Variants in HDAC6 observed in about 807,000 individuals in gnomAD.
HDAC6 encodes histone deacetylase 6, also known as protein deacetylase HDAC6.
In HDAC6, 5 loss-of-function variants were observed where a neutral mutation model predicts 88.9. The ratio of observed to expected loss-of-function variants is 0.06; its 90% confidence interval spans 0.03 to 0.12. The LOEUF (loss-of-function observed/expected upper bound fraction) is 0.12. Among genes scored for constraint, HDAC6 ranks in the 10% least tolerant of loss-of-function variants. The pLI, the probability that HDAC6 is intolerant of heterozygous loss-of-function variation, is 1.00. For missense variants in HDAC6, 706 were observed against 1,014.4 expected, an observed-to-expected ratio of 0.70 and a Z score of 4.13; for synonymous variants, 378 against 398.0, an observed-to-expected ratio of 0.95 and a Z score of 0.60.
At chrX:48,823,634 G>A (rs201220462) in intron 25 of HDAC6, 38 bp from the exon 26 acceptor site, 531 of 1,190,291 alleles carry the variant, frequency 4.5e-4, no homozygotes, top group Non-Finnish European at 5.7e-4. Flanking sequence ...GGCAAGAATC[G>A]GGCTTCTCTG....
At chrX:48,817,998 G>A (rs782497379) in intron 20 of HDAC6, 43 bp from the exon 21 acceptor site, 1 of 1,130,071 alleles carries the variant, frequency 8.8e-7, no homozygotes, top group East Asian at 3.1e-5. Context: ...CCTCTTCCAG[G>A]GCGTGAGTAT....
At chrX:48,816,721 C>A in intron 19 of HDAC6, 88 bp downstream of exon 19, 8 of 562,971 alleles carry the variant, frequency 1.4e-5, no homozygotes, top group Non-Finnish European at 2.0e-5. Flanking sequence ...CTGAGAGAGT[C>A]AAGCAGGGCC....
chrX:48,822,264 G>A (rs1456114513), intron 23 of HDAC6, among the ~76,000 whole-genome samples: 1 of 111,860 alleles, frequency 8.9e-6, no homozygotes, highest in Non-Finnish European at 1.9e-5. Context: ...TGGCATGAAG[G>A]CAAGTTCCTG....
At chrX:48,817,480 C>T in intron 20 of HDAC6, 21 bp downstream of exon 20, 1 of 1,197,724 alleles carries the variant, frequency 8.3e-7, no homozygotes, top group Non-Finnish European at 1.1e-6. Flanking sequence ...CCTGGGGACC[C>T]CCCAAATCCT....
At chrX:48,819,546 CTTTT>C in intron 22 of HDAC6, 9 of 125,491 alleles carry the variant, frequency 7.2e-5, no homozygotes, top group East Asian at 2.4e-4. Context: ...CCATCTGTCC[CTTTT>C]TTTTTTTTTT....
intron 8 of HDAC6, chrX:48,807,012 T>C: frequency 1.2e-5 from 2 of 169,705 alleles, no homozygotes; most frequent in Admixed American, 1.5e-4. Context: ...TCCAGATGCA[T>C]CTTACAAACA....
chrX:48,819,546 C>CTT (rs782353677), intron 22 of HDAC6: 47 of 123,746 alleles, frequency 3.8e-4, no homozygotes, highest in South Asian at 2.0e-3. Flanking sequence ...CCATCTGTCC[C>CTT]TTTTTTTTTT....
chrX:48,815,527 A>G, intron 15 of HDAC6, 37 bp downstream of exon 15: 1 of 1,197,763 alleles, frequency 8.3e-7, no homozygotes, highest in Non-Finnish European at 1.1e-6. Flanking sequence ...CGGGAGCCTC[A>G]CTGCCCGCCC....
rs1557028023 is a variant in HDAC6, at chrX:48,817,318, C to T, written c.1792-8C>T. The T allele has an allele frequency of 8.4e-7, 1 of 1,191,347 alleles. No individual in the cohort carries two copies. The highest frequency in any genetic ancestry group is 1.1e-6 in the Non-Finnish European group (1 of 884,076). The stretch of plus-strand genomic sequence containing the variant: ...GCTGTCCGATCTTAGCACCCTGCTG[C>T]TTCCCAGGTTCTGAATGGTGCTGCT... On this transcript the variant is annotated splice_region_variant and splice_polypyrimidine_tract_variant and intron_variant, in intron 19 of 28. Coordinates refer to ENST00000334136, the MANE Select transcript of HDAC6 (RefSeq NM_006044.4).
chrX:48,815,971 T>C lies in HDAC6; in HGVS notation c.1412T>C (p.Ile471Thr). ...CCCTGGGAGCCCCCTGTGCTCCCAA[T>C]CCTGACATGGCCAGTGCTACAGTCT... ...EGPWEPPVLP[I>T]LTWPVLQSRT... Residue 471 changes from isoleucine (I) to threonine (T), a missense_variant, in exon 17 of 29, where the codon ATC becomes ACC. Physicochemically the swap from Ile to Thr is moderately conservative, Grantham distance 89. Transcript: ENST00000334136. The C allele has an allele frequency of 8.3e-7, 1 of 1,210,632 alleles. No homozygotes were observed. Among genetic ancestry groups the C allele is most frequent in the Non-Finnish European group, 1.1e-6 (1 of 894,390 alleles).
At chrX:48,822,334 C>T (rs781875722) in intron 23 of HDAC6, among the ~76,000 whole-genome samples, 6 of 112,065 alleles carry the variant, frequency 5.4e-5, no homozygotes, top group African/African-American at 1.9e-4. Flanking sequence ...TACTTAAAAT[C>T]GGGTCTGGCA....
intron 14 of HDAC6, 60 bp from the exon 15 acceptor site, chrX:48,815,324 T>G (rs782333041): frequency 1.2e-5 from 10 of 822,663 alleles, no homozygotes; most frequent in Non-Finnish European, 7.2e-6. Flanking sequence ...TCATCATTAT[T>G]ATTATTCCCT....
At chrX:48,818,615 CTTCT>C (rs2063030032) in intron 22 of HDAC6, among the ~76,000 whole-genome samples, 1 of 112,304 alleles carries the variant, frequency 8.9e-6, no homozygotes, top group Non-Finnish European at 1.9e-5. Flanking sequence ...ACATGACTGC[CTTCT>C]CTGTGTGACA....
In HDAC6 at chrX:48,823,169, A is replaced by G. The variant is rs782504591; in HGVS notation, c.2770A>G (p.Ile924Val). 1 of 1,207,450 alleles carries G rather than the reference A, an allele frequency of 8.3e-7. No homozygotes were observed. The highest frequency in any genetic ancestry group is 1.8e-5 in the South Asian group (1 of 56,172). ...AGGGGGAGCCACTCTGGCCCAGACC[A>G]TTTCTGAGGCAGCCATTGGGGGAGC... Reference protein sequence around the residue: ...ATGGATLAQTISEAAIGGAML... With the variant: ...ATGGATLAQTVSEAAIGGAML... The change falls in exon 25 of 29, where the codon ATT becomes GTT. Residue 924 changes from isoleucine to valine, a missense_variant. Coordinates refer to ENST00000334136, the MANE Select transcript of HDAC6 (RefSeq NM_006044.4).
intron 22 of HDAC6, 177 bp from the exon 23 acceptor site, chrX:48,819,929 C>T: frequency 3.8e-6 from 2 of 523,195 alleles, no homozygotes; most frequent in East Asian, 3.6e-5. Flanking sequence ...TTCCCTTCTT[C>T]ATTTTCAGTC....
intron 23 of HDAC6, among the ~76,000 whole-genome samples, chrX:48,821,632 G>A (rs191407208): frequency 1.5e-4 from 16 of 105,913 alleles, no homozygotes; most frequent in East Asian, 6.1e-4. Context: ...TCAGCCTCCC[G>A]AGTAGCTGGG....
rs1557028119 is a variant in HDAC6, at chrX:48,817,712, G to T, written c.1925+253G>T. The T allele has an allele frequency of 7.3e-6, 3 of 412,095 alleles. No homozygotes were observed. In the African/African-American group the frequency reaches 7.5e-5, roughly 10 times the overall value. 34.0% of individuals were successfully genotyped at this position (412,095 alleles called of 1,213,427 possible). On this transcript the variant is annotated intron_variant, in intron 20 of 28. Transcript: ENST00000334136. ...CCAGGGTCCCACCCCAGCATTTCTG[G>T]CCTATAGCAGCTGCCTCGACAGAAC...
chrX:48,811,288 A>G (rs1282414265), intron 10 of HDAC6, among the ~76,000 whole-genome samples: 1 of 112,379 alleles, frequency 8.9e-6, no homozygotes, highest in Non-Finnish European at 1.9e-5. Context: ...TGGGCGATAG[A>G]GGGAGACCCT....
At chrX:48,818,438 C>T (rs189064885) in intron 22 of HDAC6, 26 bp downstream of exon 22, 421 of 1,116,939 alleles carry the variant, frequency 3.8e-4, no homozygotes, top group African/African-American at 6.6e-4. Flanking sequence ...GATCGCAGGA[C>T]GTATGTGACA....
Sources: allele counts gnomAD v4.1 joint callset (sites outside exome capture counted in the v4.1 genomes callset), GRCh38; gene constraint gnomAD v4.1.1; transcripts MANE v1.5; gene names NCBI Gene and HGNC (gene_info 2026-07-23, HGNC 2026-07-21).